Variants in ROBO1 observed in about 807,000 individuals in gnomAD.
ROBO1 encodes the protein roundabout guidance receptor 1.
ROBO1 carries 149 observed loss-of-function variants against 195.9 expected under a neutral mutation model. That is an observed-to-expected ratio of 0.76 (90% CI 0.67 to 0.87). ROBO1 has a LOEUF of 0.87. Ranked by LOEUF, ROBO1 falls within the 40% of genes least tolerant of loss-of-function variation. The pLI is 0.00. For missense variants in ROBO1, 1,933 were observed against 2,068.3 expected (o/e 0.93, Z 1.27); for synonymous variants, 816 against 733.2 (o/e 1.11, Z -1.82).
chr3:78,725,930 AG>A (rs1290446645), intron 5 of ROBO1, among the ~76,000 whole-genome samples: 3 of 24,298 alleles, frequency 1.2e-4, no homozygotes, highest in Non-Finnish European at 2.2e-4. Flanking sequence ...TCTGTTACAC[AG>A]GAATTTTTTT....
intron 8 of ROBO1, chr3:78,693,273 G>A (rs2081215611): frequency 1.3e-6 from 2 of 1,541,206 alleles, no homozygotes; most frequent in South Asian, 1.2e-5. Context: ...GGAAGGGTAT[G>A]GATGGAAAGG....
At position 79,116,526 on chromosome 3, in the gene ROBO1, C is replaced by CTT. The variant is rs550347378; in HGVS notation, c.172+8928_172+8929dup. Among the ~76,000 whole-genome samples, 47 of 117,934 alleles carry CTT rather than the reference C, an allele frequency of 4.0e-4. 1 individual carries two copies. The highest frequency in any genetic ancestry group is 8.1e-3 in the Middle Eastern group (2 of 248). 77.4% of individuals were successfully genotyped at this position (117,934 alleles called of 152,430 possible). A position where few individuals can be genotyped will look rare whatever the true frequency, so the allele number is the denominator to read the frequency against. Reference sequence around the variant, plus strand: ...TCTTTCTTTTCTTTCTCTCTTTCTTCTTTTTTTTTTTTTTTGACAGTCTCA... The same window carrying CTT: ...TCTTTCTTTTCTTTCTCTCTTTCTTCTTTTTTTTTTTTTTTTTGACAGTCTCA... On this transcript the variant is annotated intron_variant, in intron 3 of 30. Coordinates refer to ENST00000464233, the MANE Select transcript of ROBO1 (RefSeq NM_002941.4).
intron 2 of ROBO1, among the ~76,000 whole-genome samples, chr3:79,284,156 A>G (rs957943283): frequency 2.0e-5 from 3 of 151,736 alleles, no homozygotes; most frequent in African/African-American, 7.3e-5. Flanking sequence ...CTCTTACCCA[A>G]TTTGGCACCC....
chr3:79,527,425 A>G (rs1239227104), intron 2 of ROBO1, among the ~76,000 whole-genome samples: 2 of 152,192 alleles, frequency 1.3e-5, no homozygotes, highest in Non-Finnish European at 2.9e-5. Flanking sequence ...AAAATCCTGC[A>G]CATGTACCAC....
At chr3:79,759,997 G>A (rs943866776) in intron 1 of ROBO1, among the ~76,000 whole-genome samples, 35 of 152,194 alleles carry the variant, frequency 2.3e-4, no homozygotes, top group South Asian at 2.3e-3. Flanking sequence ...AGCACTTTGG[G>A]AGGTTGAGGT....
At chr3:78,830,484 G>A (rs942859226) in intron 4 of ROBO1, among the ~76,000 whole-genome samples, 1 of 152,156 alleles carries the variant, frequency 6.6e-6, no homozygotes, top group African/African-American at 2.4e-5. Flanking sequence ...GGCTGGGGAG[G>A]CCTCAGGAAC....
chr3:78,938,931 CAGA>C lies in ROBO1; in HGVS notation c.173-7_173-5del, dbSNP rs1560022442. 13 of 1,595,860 alleles carry C rather than the reference CAGA, an allele frequency of 8.1e-6. No homozygotes were observed. The highest frequency in any genetic ancestry group is 1.1e-5 in the Non-Finnish European group (13 of 1,171,394). ...TCTTCCTGACGAAGACGGGAGCCTG[CAGA>C]AGAATTCACAAAATATCTTCGTATA... On this transcript the variant is annotated splice_polypyrimidine_tract_variant and splice_region_variant and intron_variant, in intron 3 of 30. Transcript: ENST00000464233.
In ROBO1 at chr3:78,714,427, C is replaced by T. The variant is rs2081846666; in HGVS notation, c.1015G>A (p.Ala339Thr). The T allele has an allele frequency of 6.2e-7, 1 of 1,613,182 alleles. No homozygotes were observed. Among genetic ancestry groups the T allele is most frequent in the African/African-American group, 1.3e-5 (1 of 74,904 alleles). The change falls in exon 8 of 31, where the codon GCT becomes ACT. Residue 339 changes from alanine (A) to threonine (T), a missense_variant. Ala to Thr is a moderately conservative substitution (Grantham distance 58). Coordinates refer to ENST00000464233, the MANE Select transcript of ROBO1 (RefSeq NM_002941.4). ...TCVAENMVGK[A>T]EASATLTVQE... is the part of the protein sequence containing the mutation. ...ACAGTCAGAGTAGCAGATGCTTCAG[C>T]TTTGCCCACCATATTTTCTGCAACA...
At chr3:79,668,249 T>A (rs1210638803) in intron 1 of ROBO1, among the ~76,000 whole-genome samples, 2 of 151,906 alleles carry the variant, frequency 1.3e-5, no homozygotes, top group East Asian at 3.9e-4. Flanking sequence ...AAAGCTGAAG[T>A]AACATTGGGT....
chr3:79,027,651 C>T (rs1423444687), intron 3 of ROBO1, among the ~76,000 whole-genome samples: 1 of 151,994 alleles, frequency 6.6e-6, no homozygotes, highest in Non-Finnish European at 1.5e-5. Flanking sequence ...TATATATTTT[C>T]CCAAGAGTTT....
chr3:78,602,122 T>C (rs1703213443), intron 29 of ROBO1, among the ~76,000 whole-genome samples: 1 of 151,990 alleles, frequency 6.6e-6, no homozygotes, highest in Non-Finnish European at 1.5e-5. Flanking sequence ...AAATCGCATG[T>C]TGAATTGTAA....
In ROBO1 at chr3:78,833,218, GA is replaced by G. The variant is rs545158490; in HGVS notation, c.500-86319del. Among the ~76,000 whole-genome samples the G allele has an allele frequency of 2.7e-3, 404 of 151,424 alleles. 2 individuals carry two copies. The highest frequency in any genetic ancestry group is 9.2e-3 in the African/African-American group (379 of 41,352). Reference sequence around the variant, plus strand: ...ATGCACGGCAATGAAAAATAAGGATGAAAAAAAAGGTTAGAAATCATTCATA... The same window carrying G: ...ATGCACGGCAATGAAAAATAAGGATGAAAAAAAGGTTAGAAATCATTCATA... On this transcript the variant is annotated intron_variant, in intron 4 of 30. Coordinates refer to ENST00000464233, the MANE Select transcript of ROBO1 (RefSeq NM_002941.4).
At chr3:79,692,781 A>T (rs1245328593) in intron 1 of ROBO1, among the ~76,000 whole-genome samples, 1 of 151,820 alleles carries the variant, frequency 6.6e-6, no homozygotes, top group Non-Finnish European at 1.5e-5. Flanking sequence ...GTACAGGCTA[A>T]CTATTCCTTA....
At chr3:79,723,725 T>C (rs1326298940) in intron 1 of ROBO1, among the ~76,000 whole-genome samples, 1 of 152,148 alleles carries the variant, frequency 6.6e-6, no homozygotes, top group East Asian at 1.9e-4. Context: ...AATCACACAG[T>C]AAGAAGTAGA....
intron 2 of ROBO1, among the ~76,000 whole-genome samples, chr3:79,137,407 A>G (rs1235994439): frequency 1.4e-5 from 2 of 142,922 alleles, no homozygotes; most frequent in Admixed American, 7.3e-5. Flanking sequence ...ATTTCACACA[A>G]TGATCTCAAA....
intron 2 of ROBO1, among the ~76,000 whole-genome samples, chr3:79,538,511 G>A (rs1941955132): frequency 6.6e-6 from 1 of 152,068 alleles, no homozygotes; most frequent in South Asian, 2.1e-4. Flanking sequence ...TGTGTCAGCT[G>A]TGCTTACTTA....
At chr3:79,227,464 A>G (rs2082245680) in intron 2 of ROBO1, among the ~76,000 whole-genome samples, 1 of 152,156 alleles carries the variant, frequency 6.6e-6, no homozygotes, top group South Asian at 2.1e-4. Context: ...TGTTATCCAT[A>G]TATTTCAGAG....
At chr3:78,702,544 T>C (rs951503837) in intron 8 of ROBO1, among the ~76,000 whole-genome samples, 1 of 152,214 alleles carries the variant, frequency 6.6e-6, no homozygotes, top group Non-Finnish European at 1.5e-5. Context: ...CTTAAAAGTA[T>C]GTGAGGCTGT....
chr3:79,237,703 A>G (rs2082438136), intron 2 of ROBO1, among the ~76,000 whole-genome samples: 1 of 152,140 alleles, frequency 6.6e-6, no homozygotes, highest in South Asian at 2.1e-4. Context: ...TTATTTGCCA[A>G]AAGATGTAGA....
Sources: allele counts gnomAD v4.1 joint callset (sites outside exome capture counted in the v4.1 genomes callset), GRCh38; gene constraint gnomAD v4.1.1; transcripts MANE v1.5; gene names NCBI Gene and HGNC (gene_info 2026-07-23, HGNC 2026-07-21).